The following RACGAP1 variants were observed in gnomAD, a reference collection of about 807,000 sequenced individuals.
The protein encoded by RACGAP1 is rac GTPase-activating protein 1.
Under a neutral mutation model 78.1 loss-of-function variants are expected in RACGAP1, and 30 were observed. The observed-to-expected ratio is 0.38, with a 90% confidence interval of 0.29 to 0.52. The LOEUF is 0.52. RACGAP1 is among the 20% of genes least tolerant of loss of function. The pLI is 0.82. For missense variants in RACGAP1, 587 were observed against 777.1 expected (o/e 0.76, Z 2.91); for synonymous variants, 231 against 264.8 (o/e 0.87, Z 1.24).
At chr12:50,000,631 G>A (rs966961464) in intron 7 of RACGAP1, among the ~76,000 whole-genome samples, 9 of 152,054 alleles carry the variant, frequency 5.9e-5, no homozygotes, top group Admixed American at 2.0e-4. Context: ...AAGAAATCTC[G>A]TACCTAAGAA....
At chr12:49,995,382 A>AACAAC (rs1432670734) in intron 10 of RACGAP1, among the ~76,000 whole-genome samples, 2 of 151,998 alleles carry the variant, frequency 1.3e-5, no homozygotes, top group Non-Finnish European at 2.9e-5. Flanking sequence ...AACAAAACAA[A>AACAAC]ATGTACAGGC....
intron 3 of RACGAP1, 36 bp downstream of exon 3, chr12:50,006,398 C>T (rs1010502013): frequency 6.2e-7 from 1 of 1,608,078 alleles, no homozygotes; most frequent in African/African-American, 1.3e-5. Context: ...CCCCCTCCTG[C>T]ATCATCACTG....
chr12:50,026,704 T>C (rs1692461620), upstream of RACGAP1, among the ~76,000 whole-genome samples: 1 of 152,232 alleles, frequency 6.6e-6, no homozygotes, highest in African/African-American at 2.4e-5. Flanking sequence ...ACTTTTATTT[T>C]AGAGACAGGG....
At chr12:50,009,071 G>A (rs1592186039) in intron 2 of RACGAP1, among the ~76,000 whole-genome samples, 1 of 151,888 alleles carries the variant, frequency 6.6e-6, no homozygotes, top group East Asian at 2.0e-4. Flanking sequence ...GAGGTCAGTA[G>A]TTCAAGGCCA....
Position 49,994,404 on chromosome 12 carries a change from T to A in RACGAP1, c.1140+10A>T, listed in dbSNP as rs1328312197. On this transcript the variant is annotated intron_variant, in intron 11 of 16. Coordinates refer to ENST00000312377, the MANE Select transcript of RACGAP1 (RefSeq NM_001319999.2). ...TAACAAATTCACCATCTCCTACAGTTGACTCTTACCTCAGTCAGACCTCTT... is the reference window on the plus strand; with the variant it reads ...TAACAAATTCACCATCTCCTACAGTAGACTCTTACCTCAGTCAGACCTCTT... 1 of 1,613,538 alleles carries A rather than the reference T, an allele frequency of 6.2e-7. No individual in the cohort carries two copies. The highest frequency in any genetic ancestry group is 8.5e-7 in the Non-Finnish European group (1 of 1,179,878).
At chr12:49,991,916 C>T in intron 15 of RACGAP1, 82 bp downstream of exon 15, 1 of 1,565,962 alleles carries the variant, frequency 6.4e-7, no homozygotes, top group South Asian at 1.2e-5. Context: ...TTTCAAACAG[C>T]TCTAGCAAAG....
chr12:50,002,358 G>A lies in RACGAP1; in HGVS notation c.496-58C>T, dbSNP rs753997114. 6.7e-5 allele frequency: 97 copies of A among 1,444,886 alleles called. 1 individual carries two copies. The highest frequency in any genetic ancestry group is 8.7e-5 in the Non-Finnish European group (91 of 1,046,726). 89.5% of individuals were successfully genotyped at this position (1,444,886 alleles called of 1,614,324 possible). A position where few individuals can be genotyped will look rare whatever the true frequency, so the allele number is the denominator to read the frequency against. On this transcript the variant is annotated intron_variant, in intron 5 of 16. Transcript: ENST00000312377. The stretch of plus-strand genomic sequence containing the variant: ...TTTGGTTAGGCCATCCCTAAACCCT[G>A]TGCAAATAAATTTACAGAGAACTTT...
intron 2 of RACGAP1, among the ~76,000 whole-genome samples, chr12:50,007,485 A>G (rs1229398447): frequency 6.6e-6 from 1 of 152,126 alleles, no homozygotes; most frequent in African/African-American, 2.4e-5. Context: ...TCTAAGGATC[A>G]CTCTCCACCA....
At chr12:49,992,161 C>T (rs765535364) in intron 14 of RACGAP1, 28 bp from the exon 15 acceptor site, 3 of 1,612,744 alleles carry the variant, frequency 1.9e-6, no homozygotes, top group Non-Finnish European at 1.7e-6. Context: ...TGTTAGCAAA[C>T]TTCCAAAGCT....
intron 9 of RACGAP1, among the ~76,000 whole-genome samples, chr12:49,997,685 C>T (rs1490873884): frequency 2.0e-5 from 3 of 152,124 alleles, no homozygotes; most frequent in African/African-American, 7.2e-5. Flanking sequence ...TCAAGCGATT[C>T]TCCTGCCTCA....
intron 2 of RACGAP1, among the ~76,000 whole-genome samples, chr12:50,011,507 G>A (rs541552227): frequency 1.4e-4 from 21 of 151,002 alleles, no homozygotes; most frequent in Non-Finnish European, 2.4e-4. Context: ...TGGGAGGACC[G>A]CTTGAGCCCA....
intron 2 of RACGAP1, among the ~76,000 whole-genome samples, chr12:50,007,063 A>G (rs995249850): frequency 2.0e-5 from 3 of 152,236 alleles, no homozygotes; most frequent in Admixed American, 1.3e-4. Context: ...GAGAGATGTT[A>G]AACAGCAAAT....
chr12:50,030,802 C>T (rs958501370), intron 2 of RACGAP1, among the ~76,000 whole-genome samples: 8 of 151,186 alleles, frequency 5.3e-5, no homozygotes, highest in Admixed American at 2.0e-4. Context: ...GTGTGTGAGA[C>T]GGAGTTTTGC....
intron 4 of RACGAP1, 74 bp downstream of exon 4, chr12:50,005,182 A>G: frequency 6.3e-7 from 1 of 1,585,980 alleles, no homozygotes; most frequent in Non-Finnish European, 8.6e-7. Context: ...AGTATATTTA[A>G]GAATTCAGAT....
intron 2 of RACGAP1, among the ~76,000 whole-genome samples, chr12:50,009,242 CAAAAAA>C (rs397751749): frequency 4.6e-5 from 3 of 65,254 alleles, no homozygotes; most frequent in South Asian, 4.9e-4. Context: ...GATGCTGTCT[CAAAAAA>C]AAAAAAAAAA....
intron 1 of RACGAP1, among the ~76,000 whole-genome samples, chr12:50,023,600 G>T (rs1414938659): frequency 2.0e-5 from 3 of 152,290 alleles, no homozygotes; most frequent in East Asian, 1.9e-4. Flanking sequence ...AGGCATGGTG[G>T]TGCACACCTG....
chr12:50,000,792 G>A (rs928246425), intron 7 of RACGAP1, among the ~76,000 whole-genome samples: 11 of 152,180 alleles, frequency 7.2e-5, no homozygotes, highest in African/African-American at 2.4e-4. Flanking sequence ...GCTCACGCCT[G>A]TAATCCCAGC....
chr12:50,013,191 A>T (rs1190624397), intron 2 of RACGAP1, among the ~76,000 whole-genome samples: 2 of 152,260 alleles, frequency 1.3e-5, no homozygotes, highest in African/African-American at 4.8e-5. Flanking sequence ...ATACAATAAA[A>T]TCAGGATTTC....
At chr12:50,014,349 C>T (rs1275775525) in intron 2 of RACGAP1, among the ~76,000 whole-genome samples, 1 of 152,162 alleles carries the variant, frequency 6.6e-6, no homozygotes, top group East Asian at 1.9e-4. Flanking sequence ...ATTTATTTCC[C>T]AGACTGTTCC....
Sources: gnomAD v4.1 joint callset for allele counts (sites outside exome capture counted in the v4.1 genomes callset) on GRCh38, gnomAD v4.1.1 for gene constraint, MANE v1.5 for transcripts, NCBI Gene and HGNC (gene_info 2026-07-23, HGNC 2026-07-21) for gene names.